MMP10: variants seen among roughly 807,000 people sequenced by gnomAD.
The protein encoded by MMP10 is matrix metallopeptidase 10, also known as stromelysin-2.
Under a neutral mutation model 49.1 loss-of-function variants are expected in MMP10, and 50 were observed. The observed-to-expected ratio is 1.02, with a 90% confidence interval of 0.81 to 1.29. The LOEUF (loss-of-function observed/expected upper bound fraction) is 1.29, where lower values mean the gene tolerates loss of function less well. MMP10 is among the 50% of genes most tolerant of loss of function. The pLI is 0.00. For missense variants in MMP10, 613 were observed against 563.8 expected (o/e 1.09, Z -0.88); for synonymous variants, 229 against 201.6 (o/e 1.14, Z -1.15).
At chr11:102,770,947 A>T in intron 9 of MMP10, 54 bp from the exon 10 acceptor site, 1 of 1,160,724 alleles carries the variant, frequency 8.6e-7, no homozygotes, top group Non-Finnish European at 1.3e-6. Context: ...GTCATTTTGC[A>T]ACACATATAA....
chr11:102,776,491 C>G, intron 5 of MMP10, 67 bp from the exon 6 acceptor site: 1 of 1,588,736 alleles, frequency 6.3e-7, no homozygotes, highest in Non-Finnish European at 8.6e-7. Context: ...AATTTGTGTG[C>G]CTTTCAAACA....
At chr11:102,778,206 T>C (rs1020737590) in intron 4 of MMP10, among the ~76,000 whole-genome samples, 2 of 152,130 alleles carry the variant, frequency 1.3e-5, no homozygotes, top group Non-Finnish European at 2.9e-5. Context: ...TTTCTCCTGA[T>C]CTCTACTTTT....
At chr11:102,777,887 A>G (rs932507659) in intron 4 of MMP10, among the ~76,000 whole-genome samples, 2 of 151,776 alleles carry the variant, frequency 1.3e-5, no homozygotes, top group African/African-American at 4.8e-5. Context: ...GGCTCACTGC[A>G]GCCTCCATCT....
chr11:102,779,876 T>A, intron 1 of MMP10, 131 bp from the exon 2 acceptor site: 1 of 1,032,994 alleles, frequency 9.7e-7, no homozygotes, highest in Non-Finnish European at 1.4e-6. Flanking sequence ...GATTTTTCAT[T>A]AAGACTCCCC....
intron 3 of MMP10, 28 bp from the exon 4 acceptor site, chr11:102,778,777 TA>T: frequency 6.2e-7 from 1 of 1,611,776 alleles, no homozygotes; most frequent in Non-Finnish European, 8.5e-7. Flanking sequence ...AATGGAAATA[TA>T]AGTGTTCAGA....
intron 4 of MMP10, 101 bp from the exon 5 acceptor site, chr11:102,776,877 A>C (rs1857749094): frequency 2.3e-6 from 3 of 1,318,676 alleles, no homozygotes; most frequent in African/African-American, 1.5e-5. Context: ...TGAAACCACA[A>C]TGTCTTTTCA....
intron 1 of MMP10, among the ~76,000 whole-genome samples, chr11:102,780,129 T>C (rs546245665): frequency 1.3e-5 from 2 of 152,304 alleles, no homozygotes; most frequent in Admixed American, 6.5e-5. Flanking sequence ...ATATGAAAAC[T>C]ATTACCTGAT....
chr11:102,776,748 A>G lies in MMP10; in HGVS notation c.651T>C (p.His217=). The change falls in exon 5 of 10, where the codon CAT becomes CAC. Residue 217 remains histidine (H), a synonymous_variant. Transcript: ENST00000279441. ...AGAGCCCCAGGGAGTGGCCAAGTTC[A>G]TGAGCAGCAACGAGGAATAAATTGG... is the stretch of plus-strand genomic sequence containing the variant. ...SGTNLFLVAA[H]ELGHSLGLFH... is the part of the protein sequence containing the mutation. The G allele has an allele frequency of 1.2e-6, 2 of 1,613,984 alleles. No homozygotes were observed.
At chr11:102,778,831 T>C in intron 3 of MMP10, 82 bp from the exon 4 acceptor site, 6 of 1,517,252 alleles carry the variant, frequency 4.0e-6, no homozygotes, top group Admixed American at 1.9e-5. Context: ...GTAGATTCTA[T>C]AGTCTGAATG....
intron 1 of MMP10, 67 bp from the exon 2 acceptor site, chr11:102,779,812 C>A (rs1857801117): frequency 2.0e-6 from 3 of 1,520,956 alleles, no homozygotes; most frequent in Non-Finnish European, 2.7e-6. Flanking sequence ...TTTTATAATC[C>A]ATCGTAATTT....
intron 4 of MMP10, among the ~76,000 whole-genome samples, chr11:102,777,375 C>T (rs1279124303): frequency 1.3e-5 from 2 of 152,036 alleles, no homozygotes; most frequent in African/African-American, 4.8e-5. Context: ...CGTGCCTCAG[C>T]CTCCTGAGTA....
intron 9 of MMP10, 80 bp downstream of exon 9, chr11:102,771,932 G>GTT: frequency 1.1e-6 from 1 of 895,230 alleles, no homozygotes; most frequent in Non-Finnish European, 1.8e-6. Flanking sequence ...TTTAAAAACT[G>GTT]TTTTGATTCT....
intron 7 of MMP10, 85 bp downstream of exon 7, chr11:102,775,103 T>G (rs1862008534): frequency 9.3e-7 from 1 of 1,071,468 alleles, no homozygotes; most frequent in East Asian, 2.8e-5. Context: ...AATCTAAACT[T>G]TAATATAATG....
chr11:102,775,986 G>A (rs1284043411), intron 6 of MMP10, among the ~76,000 whole-genome samples: 1 of 152,018 alleles, frequency 6.6e-6, no homozygotes, highest in African/African-American at 2.4e-5. Flanking sequence ...CTAAGAAGAT[G>A]TTAAAAATTC....
rs200519348 is a variant in MMP10 at position 102,778,684 on chromosome 11, G to C, written c.562C>G (p.Pro188Ala). The C allele has an allele frequency of 1.2e-6, 2 of 1,613,932 alleles. No homozygotes were observed. The highest frequency in any genetic ancestry group is 4.5e-5 in the East Asian group (2 of 44,874). ...HSLAHAYPPG[P>A]GLYGDIHFDD... ...AAGTGAATATCTCCATAAAGCCCAG[G>C]TCCAGGTGGGTAGGCATGAGCCAAA... Residue 188 changes from proline (P) to alanine (A), a missense_variant, in exon 4 of 10, where the codon CCT (proline) becomes GCT (alanine). By Grantham distance (27) the Pro-to-Ala change is conservative. Coordinates refer to ENST00000279441, the MANE Select transcript of MMP10 (RefSeq NM_002425.3).
intron 2 of MMP10, 67 bp downstream of exon 2, chr11:102,779,437 C>A: frequency 6.2e-7 from 1 of 1,609,050 alleles, no homozygotes; most frequent in Non-Finnish European, 8.5e-7. Flanking sequence ...CTTTATGTTA[C>A]TTATCCAAAT....
chr11:102,776,405 A>T lies in MMP10; in HGVS notation c.807T>A (p.Thr269=), dbSNP rs747437746. ...ATTTTGTGGGCACCAGGGGTTCCTC[A>T]GTAGAGGCAGGGGGAGGTCCTAAAG... ...QSLYGPPPAS[T]EEPLVPTKSV... Residue 269 remains threonine, a synonymous_variant, in exon 6 of 10, where the codon ACT becomes ACA. Coordinates refer to ENST00000279441, the MANE Select transcript of MMP10 (RefSeq NM_002425.3). 8.1e-6 allele frequency: 13 copies of T among 1,613,862 alleles called. No homozygotes were observed. The East Asian group carries it at 2.7e-4, about 33-fold the overall frequency.
intron 3 of MMP10, 123 bp downstream of exon 3, chr11:102,779,090 C>T (rs1857786208): frequency 1.4e-6 from 2 of 1,408,704 alleles, no homozygotes; most frequent in Non-Finnish European, 1.9e-6. Context: ...TCTTGGACTT[C>T]CCAGCCTCCA....
Position 102,779,277 on chromosome 11 carries a change from A to T in MMP10, c.432T>A (p.Thr144=). The T allele has an allele frequency of 6.2e-7, 1 of 1,614,138 alleles. No homozygotes were observed. The highest frequency in any genetic ancestry group is 1.1e-5 in the South Asian group (1 of 91,080). ...CATACAGCCTGGAGAATGTGAGTGGAGTCACCTCTTCCCAGACTTTCAGAG... is the reference window on the plus strand; with the variant it reads ...CATACAGCCTGGAGAATGTGAGTGGTGTCACCTCTTCCCAGACTTTCAGAG... The part of the protein sequence containing the change: ...EKALKVWEEV[T]PLTFSRLYEG... Residue 144 remains threonine (T), a synonymous_variant, in exon 3 of 10, where the codon ACT becomes ACA. Transcript: ENST00000279441.
Sources: allele counts gnomAD v4.1 joint callset (sites outside exome capture counted in the v4.1 genomes callset), GRCh38; gene constraint gnomAD v4.1.1; transcripts MANE v1.5; gene names NCBI Gene and HGNC (gene_info 2026-07-23, HGNC 2026-07-21).